Variants in PRKCE observed in about 807,000 individuals in gnomAD.
PRKCE encodes the protein protein kinase C epsilon, also known as protein kinase C epsilon type.
Under a neutral mutation model 85.4 loss-of-function variants are expected in PRKCE, and 16 were observed. The observed-to-expected ratio is 0.19, with a 90% CI of 0.13 to 0.28. PRKCE has a LOEUF of 0.28. Among genes scored for constraint, PRKCE ranks in the 10% least tolerant of loss-of-function variants. The pLI, the probability that PRKCE is intolerant of heterozygous loss-of-function variation, is 1.00. For synonymous variants in PRKCE, 388 were observed against 371.5 expected (o/e 1.04, Z -0.51); for missense variants, 573 against 975.2 (o/e 0.59, Z 5.49).
chr2:46,006,906 G>A (rs1324036354), intron 8 of PRKCE, among the ~76,000 whole-genome samples: 1 of 152,220 alleles, frequency 6.6e-6, no homozygotes, highest in Non-Finnish European at 1.5e-5. Flanking sequence ...CCTTGTGTAA[G>A]ATGGGTATTT....
chr2:45,771,700 G>GGT (rs1259969964), intron 1 of PRKCE, among the ~76,000 whole-genome samples: 1 of 94,590 alleles, frequency 1.1e-5, no homozygotes, highest in African/African-American at 3.1e-5. Context: ...TACAGAGTGG[G>GGT]GCGTGTGTGT....
intron 10 of PRKCE, among the ~76,000 whole-genome samples, chr2:46,071,604 T>C (rs1453315096): frequency 6.6e-6 from 1 of 152,166 alleles, no homozygotes; most frequent in Non-Finnish European, 1.5e-5. Context: ...AGGAAAGCTA[T>C]AGGAAACTTT....
intron 2 of PRKCE, among the ~76,000 whole-genome samples, chr2:45,965,456 A>T (rs768713712): frequency 9.8e-5 from 15 of 152,348 alleles, no homozygotes; most frequent in Non-Finnish European, 2.1e-4. Context: ...ACAGAGCATT[A>T]TTGAAAGGGA....
chr2:45,851,994 A>C (rs1692303370), intron 2 of PRKCE: 1 of 152,280 alleles, frequency 6.6e-6, no homozygotes, highest in Admixed American at 6.5e-5. Context: ...TCCAGGAACC[A>C]CTTGCCTCCA....
At chr2:45,940,791 G>T (rs2104206216) in intron 2 of PRKCE, among the ~76,000 whole-genome samples, 1 of 152,164 alleles carries the variant, frequency 6.6e-6, no homozygotes, top group East Asian at 1.9e-4. Context: ...GGGCGTGGTG[G>T]CTCATGCCTG....
At chr2:45,966,007 C>T (rs549772068) in intron 2 of PRKCE, among the ~76,000 whole-genome samples, 1 of 151,926 alleles carries the variant, frequency 6.6e-6, no homozygotes, top group East Asian at 1.9e-4. Context: ...GGTGGGTGAT[C>T]AGCAGCTGAC....
intron 1 of PRKCE, among the ~76,000 whole-genome samples, chr2:45,837,596 G>T (rs547614299): frequency 6.6e-6 from 1 of 152,152 alleles, no homozygotes; most frequent in African/African-American, 2.4e-5. Context: ...GGCTCCAGGG[G>T]TCTCATGCAC....
chr2:45,765,487 C>T (rs1684839745), intron 1 of PRKCE, among the ~76,000 whole-genome samples: 1 of 152,190 alleles, frequency 6.6e-6, no homozygotes, highest in South Asian at 2.1e-4. Flanking sequence ...CTACTACCTC[C>T]CTGCAGGGCT....
At chr2:45,764,099 AC>A (rs1438200390) in intron 1 of PRKCE, among the ~76,000 whole-genome samples, 1 of 152,148 alleles carries the variant, frequency 6.6e-6, no homozygotes, top group African/African-American at 2.4e-5. Flanking sequence ...CAATTACAAT[AC>A]CCCAGGAGTT....
At chr2:45,900,682 G>T (rs936643345) in intron 2 of PRKCE, among the ~76,000 whole-genome samples, 3 of 152,258 alleles carry the variant, frequency 2.0e-5, no homozygotes, top group Admixed American at 2.0e-4. Context: ...ATGTTCTGGA[G>T]ATGGATGGTG....
chr2:45,720,835 A>C (rs1199912864), intron 1 of PRKCE, among the ~76,000 whole-genome samples: 1 of 152,160 alleles, frequency 6.6e-6, no homozygotes, highest in African/African-American at 2.4e-5. Context: ...CTGGCCAGGC[A>C]CAGTGGCTCA....
chr2:45,872,118 A>G (rs1422007876), intron 2 of PRKCE, among the ~76,000 whole-genome samples: 1 of 152,154 alleles, frequency 6.6e-6, no homozygotes, highest in African/African-American at 2.4e-5. Flanking sequence ...ATAATTTATA[A>G]CTGCTAAGGA....
intron 1 of PRKCE, among the ~76,000 whole-genome samples, chr2:45,672,420 AT>A (rs2103842355): frequency 6.6e-6 from 1 of 152,212 alleles, no homozygotes; most frequent in East Asian, 1.9e-4. Context: ...CCATCCATCT[AT>A]TCATCTATCT....
intron 2 of PRKCE, among the ~76,000 whole-genome samples, chr2:45,947,078 A>G (rs898201969): frequency 6.6e-5 from 10 of 152,236 alleles, no homozygotes; most frequent in Non-Finnish European, 1.2e-4. Context: ...GTTTATTGTT[A>G]TTGCAAAACA....
intron 1 of PRKCE, among the ~76,000 whole-genome samples, chr2:45,757,144 G>C (rs559394669): frequency 3.5e-4 from 53 of 151,752 alleles, no homozygotes; most frequent in African/African-American, 1.3e-3. Flanking sequence ...CCTGTATCAC[G>C]CTAATTTAGA....
intron 2 of PRKCE, among the ~76,000 whole-genome samples, chr2:45,951,180 C>T (rs1294241050): frequency 2.0e-5 from 3 of 152,334 alleles, no homozygotes; most frequent in Non-Finnish European, 2.9e-5. Flanking sequence ...TTTCAAGCCT[C>T]ACCCAGTGGA....
chr2:46,180,914 G>A (rs1242420722), intron 14 of PRKCE, among the ~76,000 whole-genome samples: 1 of 152,192 alleles, frequency 6.6e-6, no homozygotes, highest in African/African-American at 2.4e-5. Context: ...TGGGCCAAAG[G>A]TTGTAGAAAA....
intron 13 of PRKCE, among the ~76,000 whole-genome samples, chr2:46,152,280 C>G (rs1185491112): frequency 6.6e-6 from 1 of 151,684 alleles, no homozygotes; most frequent in Non-Finnish European, 1.5e-5. Context: ...CTCCCAGGTT[C>G]AAGTGATTCT....
intron 1 of PRKCE, among the ~76,000 whole-genome samples, chr2:45,731,087 C>G (rs1168159778): frequency 2.0e-5 from 3 of 152,140 alleles, no homozygotes; most frequent in African/African-American, 7.2e-5. Context: ...AACTCTCAGG[C>G]AGAAAGTGGC....
Sources: allele counts gnomAD v4.1 joint callset (sites outside exome capture counted in the v4.1 genomes callset), GRCh38; gene constraint gnomAD v4.1.1; transcripts MANE v1.5; gene names NCBI Gene and HGNC (gene_info 2026-07-23, HGNC 2026-07-21).